The following ASIC2 variants were observed in gnomAD, a reference collection of about 807,000 sequenced individuals.
The protein encoded by ASIC2 is acid sensing ion channel subunit 2, also known as acid-sensing ion channel 2.
ASIC2 carries 25 observed loss-of-function variants against 57.3 expected under a neutral mutation model. The observed-to-expected ratio is 0.44, with a 90% CI of 0.32 to 0.61. The LOEUF (loss-of-function observed/expected upper bound fraction) is 0.61. ASIC2 is among the 20% of genes least tolerant of loss of function. ASIC2 has a pLI of 0.06. For synonymous variants in ASIC2, 319 were observed against 307.5 expected (o/e 1.04, Z -0.39); for missense variants, 641 against 738.1 (o/e 0.87, Z 1.52).
At chr17:33,112,948 C>A (rs1033996813) in intron 1 of ASIC2, 2 of 152,310 alleles carry the variant, frequency 1.3e-5, no homozygotes, top group Non-Finnish European at 2.9e-5. Flanking sequence ...TGCCCTCCAC[C>A]TATTCCTCCT....
At chr17:33,025,349 C>A (rs568298250) in intron 5 of ASIC2, among the ~76,000 whole-genome samples, 2 of 152,260 alleles carry the variant, frequency 1.3e-5, no homozygotes, top group South Asian at 2.1e-4. Context: ...AACTGGCAGA[C>A]CCCCCGCAGG....
At chr17:33,991,336 G>A (rs1249342373) in intron 1 of ASIC2, among the ~76,000 whole-genome samples, 2 of 152,132 alleles carry the variant, frequency 1.3e-5, no homozygotes, top group East Asian at 1.9e-4. Flanking sequence ...ACCCTGCTGG[G>A]GAGAGCCAGG....
chr17:33,895,244 C>T (rs556650646), intron 1 of ASIC2, among the ~76,000 whole-genome samples: 1 of 151,472 alleles, frequency 6.6e-6, no homozygotes, highest in African/African-American at 2.4e-5. Context: ...CTTACTGCAA[C>T]CTCTGCCTCC....
At chr17:33,312,567 G>A (rs1906474677) in intron 1 of ASIC2, among the ~76,000 whole-genome samples, 1 of 152,300 alleles carries the variant, frequency 6.6e-6, no homozygotes, top group East Asian at 1.9e-4. Context: ...AGTAAGAAGA[G>A]GGATGAGCGG....
At chr17:34,038,008 T>C (rs1907957217) in intron 1 of ASIC2, 4 of 1,613,454 alleles carry the variant, frequency 2.5e-6, no homozygotes, top group Non-Finnish European at 3.4e-6. Flanking sequence ...ACTCTGGTGG[T>C]AAATACCAAT....
In ASIC2 at chr17:33,615,673, G is replaced by A. The variant is rs75953002; in HGVS notation, c.556-503606C>T. Among the ~76,000 whole-genome samples, 384 of 152,220 alleles carry A rather than the reference G, an allele frequency of 2.5e-3. 12 individuals are homozygous for A. The East Asian group carries it at 0.065, about 26-fold the overall frequency. On this transcript the variant is annotated intron_variant, in intron 1 of 9. Transcript: ENST00000359872. ...TAAGCGTGTGCCATGGTGGTTTGCT[G>A]CACCTATCAACCCATCACCTAGATA...
intron 1 of ASIC2, among the ~76,000 whole-genome samples, chr17:34,121,952 C>T (rs1015654948): frequency 2.0e-5 from 3 of 151,822 alleles, no homozygotes; most frequent in Non-Finnish European, 2.9e-5. Flanking sequence ...CTTCTCTGCA[C>T]TTTTAGAGGG....
intron 3 of ASIC2, 143 bp from the exon 4 acceptor site, chr17:33,028,535 T>G: frequency 9.2e-7 from 1 of 1,091,128 alleles, no homozygotes; most frequent in South Asian, 1.8e-5. Flanking sequence ...CCAATACTAG[T>G]TTTCTTACCT....
chr17:33,482,247 C>G (rs1245301147), intron 1 of ASIC2, among the ~76,000 whole-genome samples: 1 of 152,242 alleles, frequency 6.6e-6, no homozygotes. Context: ...AGACTCATCT[C>G]AGCCATTGTA....
Position 34,156,744 on chromosome 17 carries a change from T to G in ASIC2, c.-212A>C. The G allele has an allele frequency of 1.8e-6, 1 of 550,864 alleles. No individual in the cohort carries two copies. Among genetic ancestry groups the G allele is most frequent in the Non-Finnish European group, 3.2e-6 (1 of 317,334 alleles). 34.1% of individuals were successfully genotyped at this position (550,864 alleles called of 1,614,324 possible). ...AACCCATTCAAACTCTAGCTCTTGATTTTTTCCAGGCGATAAGGAGGGCTG... is the reference window on the plus strand; with the variant it reads ...AACCCATTCAAACTCTAGCTCTTGAGTTTTTCCAGGCGATAAGGAGGGCTG... On this transcript the variant is annotated 5_prime_UTR_variant, in exon 1 of 10. Coordinates refer to the ASIC2 transcript ENST00000359872. This position sits in a 1 kb window ranked among gnomAD's most constrained non-coding sequence, Gnocchi z 4.4.
rs75710317 is a variant in ASIC2, at chr17:33,665,925, G to A, written c.555+490053C>T. Among the ~76,000 whole-genome samples the A allele has an allele frequency of 3.2e-3, 487 of 152,162 alleles. 2 individuals are homozygous for A. The highest frequency in any genetic ancestry group is 0.011 in the African/African-American group (470 of 41,502). ...CCCTAAGTGCCCAGGCTGGGTTAGG[G>A]GCCCCTTCTCTGTGCGTGCGACTAT... On this transcript the variant is annotated intron_variant, in intron 1 of 9. Transcript: ENST00000359872.
At chr17:33,431,105 A>AG (rs1306217853) in intron 1 of ASIC2, among the ~76,000 whole-genome samples, 1 of 152,216 alleles carries the variant, frequency 6.6e-6, no homozygotes, top group African/African-American at 2.4e-5. Context: ...TGGAAAGCAC[A>AG]GGGGGCAATT....
At chr17:33,586,736 C>T (rs1190082102) in intron 1 of ASIC2, among the ~76,000 whole-genome samples, 2 of 152,190 alleles carry the variant, frequency 1.3e-5, no homozygotes, top group Non-Finnish European at 2.9e-5. Flanking sequence ...TGCCTTCTCT[C>T]CCAATCCATC....
intron 1 of ASIC2, among the ~76,000 whole-genome samples, chr17:33,428,353 C>T (rs993501895): frequency 2.0e-5 from 3 of 152,196 alleles, no homozygotes; most frequent in Non-Finnish European, 4.4e-5. Flanking sequence ...CTCTAATGTG[C>T]ATCCAGGATT....
intron 1 of ASIC2, among the ~76,000 whole-genome samples, chr17:33,353,302 C>T (rs1423294066): frequency 1.3e-5 from 2 of 152,064 alleles, no homozygotes; most frequent in African/African-American, 4.8e-5. Context: ...GACCCTCGAC[C>T]TCTACCTGTC....
intron 1 of ASIC2, among the ~76,000 whole-genome samples, chr17:33,456,508 G>T (rs1912458700): frequency 6.6e-6 from 1 of 152,196 alleles, no homozygotes; most frequent in African/African-American, 2.4e-5. Flanking sequence ...ACCAGCTACT[G>T]GGTAGTGACT....
intron 1 of ASIC2, among the ~76,000 whole-genome samples, chr17:33,977,103 T>C (rs1357622700): frequency 6.6e-6 from 1 of 151,994 alleles, no homozygotes; most frequent in Non-Finnish European, 1.5e-5. Flanking sequence ...ATCCCCCATC[T>C]AGCAAATGGC....
At chr17:33,625,129 G>GTCTGTCTA (rs1555548113) in intron 1 of ASIC2, among the ~76,000 whole-genome samples, 19,890 of 146,238 alleles carry the variant, frequency 0.14, 1,483 homozygotes, top group African/African-American at 0.22. Flanking sequence ...TGGCCTCTCT[G>GTCTGTCTA]TCTATCTATC....
intron 1 of ASIC2, among the ~76,000 whole-genome samples, chr17:33,571,761 C>T (rs1916453504): frequency 1.3e-5 from 2 of 152,168 alleles, no homozygotes; most frequent in Admixed American, 1.3e-4. Context: ...AGGATGTTGT[C>T]TGTTTCATTC....
Sources: gnomAD v4.1 joint callset for allele counts (sites outside exome capture counted in the v4.1 genomes callset) on GRCh38, gnomAD v4.1.1 for gene constraint, Gnocchi (gnomAD v3.1) non-coding constraint, MANE v1.5 for transcripts, NCBI Gene and HGNC (gene_info 2026-07-23, HGNC 2026-07-21) for gene names.